Variants in ARMH3 observed in about 807,000 individuals in gnomAD.
ARMH3 encodes the protein armadillo-like helical domain-containing protein 3.
Under a neutral mutation model 99.1 loss-of-function variants are expected in ARMH3, and 60 were observed. That is an observed-to-expected ratio of 0.61 (90% CI 0.49 to 0.75). The LOEUF is 0.75. ARMH3 is among the 30% of genes least tolerant of loss of function. The probability of loss-of-function intolerance (pLI) is 0.00; values close to 1 mark genes in which losing one functional copy is unlikely to be tolerated. For synonymous variants in ARMH3, 285 were observed against 292.8 expected (o/e 0.97, Z 0.27); for missense variants, 679 against 843.1 (o/e 0.81, Z 2.41).
rs1564859014 is a variant in ARMH3 at position 102,023,760 on chromosome 10, T to A, written c.508-11A>T. The A allele has an allele frequency of 6.2e-7, 1 of 1,612,738 alleles. No homozygotes were observed. Among genetic ancestry groups the A allele is most frequent in the Non-Finnish European group, 8.5e-7 (1 of 1,178,752 alleles). On this transcript the variant is annotated splice_polypyrimidine_tract_variant and intron_variant, in intron 6 of 25. Transcript: ENST00000370033. The stretch of plus-strand genomic sequence containing the variant: ...GATGTTATCTGTCACCTGAATGTAA[T>A]AAAAGGCTTTTTAAAGTCTGTTCTG...
intron 5 of ARMH3, 74 bp downstream of exon 5, chr10:102,029,564 T>C (rs768665601): frequency 1.6e-5 from 26 of 1,613,956 alleles, no homozygotes; most frequent in African/African-American, 5.3e-5. Context: ...TTGAGTACAT[T>C]TGTCTGCTGA....
chr10:102,053,229 A>AAG (rs899485788), intron 1 of ARMH3, among the ~76,000 whole-genome samples: 2 of 151,128 alleles, frequency 1.3e-5, no homozygotes, highest in Non-Finnish European at 3.0e-5. Flanking sequence ...AAAAAAAAAA[A>AAG]AAAAAAAAAA....
chr10:101,906,572 G>A (rs762373258), intron 23 of ARMH3, among the ~76,000 whole-genome samples: 2 of 152,144 alleles, frequency 1.3e-5, no homozygotes, highest in Non-Finnish European at 2.9e-5. Context: ...TAGAAGGCAG[G>A]GTTGAAAGAA....
intron 16 of ARMH3, among the ~76,000 whole-genome samples, chr10:101,994,255 C>A (rs1250222848): frequency 6.6e-6 from 1 of 152,144 alleles, no homozygotes. Context: ...TTGTGAAAAA[C>A]AACTCCTTTA....
At chr10:101,852,925 C>G (rs1295977285) in intron 24 of ARMH3, among the ~76,000 whole-genome samples, 1 of 151,472 alleles carries the variant, frequency 6.6e-6, no homozygotes, top group Non-Finnish European at 1.5e-5. Context: ...CTCTTGTCAC[C>G]CAGGCTGAAG....
intron 1 of ARMH3, among the ~76,000 whole-genome samples, chr10:102,041,092 T>A (rs60505495): frequency 0.018 from 2,077 of 116,086 alleles, 37 homozygotes; most frequent in African/African-American, 0.054. Context: ...ATATATATAA[T>A]ATATATATAT....
intron 10 of ARMH3, 140 bp downstream of exon 10, chr10:102,012,693 G>T: frequency 1.4e-6 from 1 of 720,620 alleles, no homozygotes; most frequent in Non-Finnish European, 2.1e-6. Context: ...CAAAGCTAGA[G>T]CAAATACATC....
intron 15 of ARMH3, among the ~76,000 whole-genome samples, chr10:102,000,949 T>C (rs2066348219): frequency 1.1e-4 from 17 of 152,026 alleles, no homozygotes; most frequent in Admixed American, 1.1e-3. Context: ...CTCGAGTAGC[T>C]GGGATTACAG....
intron 24 of ARMH3, among the ~76,000 whole-genome samples, chr10:101,869,057 G>A (rs2067073478): frequency 6.7e-6 from 1 of 149,168 alleles, no homozygotes; most frequent in African/African-American, 2.5e-5. Flanking sequence ...GGGAGACAGA[G>A]TGAGACTCTG....
At chr10:101,871,821 T>C (rs1365813391) in intron 24 of ARMH3, among the ~76,000 whole-genome samples, 3 of 152,042 alleles carry the variant, frequency 2.0e-5, no homozygotes, top group African/African-American at 7.2e-5. Context: ...GTCAACATGG[T>C]GAAACCCTGT....
At chr10:101,944,640 C>T (rs1247377762) in intron 22 of ARMH3, among the ~76,000 whole-genome samples, 2 of 151,988 alleles carry the variant, frequency 1.3e-5, no homozygotes, top group African/African-American at 2.4e-5. Flanking sequence ...ATGGCGAAAC[C>T]CTGTCTCTAC....
chr10:101,847,410 A>T lies in ARMH3; in HGVS notation c.*118T>A. The T allele has an allele frequency of 1.0e-6, 1 of 997,160 alleles. No homozygotes were observed. 61.8% of individuals were successfully genotyped at this position (997,160 alleles called of 1,614,324 possible). A position where few individuals can be genotyped will look rare whatever the true frequency, so the allele number is the denominator to read the frequency against. On this transcript the variant is annotated 3_prime_UTR_variant, in exon 26 of 26. Transcript: ENST00000370033. ...ATTGAAGTGCGGTCTTCACCAAGAG[A>T]ACTTGGTATCTGTGTTTCTCTCCAA...
At chr10:102,030,534 C>A (rs2067103784) in intron 4 of ARMH3, among the ~76,000 whole-genome samples, 2 of 151,958 alleles carry the variant, frequency 1.3e-5, no homozygotes, top group African/African-American at 2.4e-5. Context: ...CATGGTGAAA[C>A]CCAGTCTCTA....
chr10:101,987,902 T>G (rs1056493522), intron 19 of ARMH3, among the ~76,000 whole-genome samples: 2 of 152,222 alleles, frequency 1.3e-5, no homozygotes, highest in South Asian at 2.1e-4. Context: ...CTTAAGGTTT[T>G]TTTTAATTCT....
intron 22 of ARMH3, among the ~76,000 whole-genome samples, chr10:101,944,263 TATATATATATAGAGAG>T (rs1426963774): frequency 1.1e-4 from 7 of 64,138 alleles, no homozygotes; most frequent in Admixed American, 3.9e-4. Flanking sequence ...TATATATATA[TATATATATATAGAGAG>T]AGAGAGAGAG....
intron 24 of ARMH3, among the ~76,000 whole-genome samples, chr10:101,860,071 T>C (rs370238115): frequency 1.3e-5 from 2 of 151,716 alleles, no homozygotes; most frequent in Non-Finnish European, 2.9e-5. Context: ...CAAGAATAGA[T>C]GGAAAAAAAA....
At position 102,045,029 on chromosome 10, in the gene ARMH3, G is replaced by T. The variant is rs967712184; in HGVS notation, c.-11-4904C>A. ...CGGGAGCCTGTAATCCCAGATACTCGGGACGCTGAAACAGGAGGATGTCTT... is the reference window on the plus strand; with the variant it reads ...CGGGAGCCTGTAATCCCAGATACTCTGGACGCTGAAACAGGAGGATGTCTT... On this transcript the variant is annotated intron_variant, in intron 1 of 25. Coordinates refer to ENST00000370033, the MANE Select transcript of ARMH3 (RefSeq NM_024541.3). Among the ~76,000 whole-genome samples, 6 of 151,218 alleles carry T rather than the reference G, an allele frequency of 4.0e-5. No homozygotes were observed. In the East Asian group the frequency reaches 1.2e-3, roughly 29 times the overall value.
chr10:101,909,591 G>A (rs962356486), intron 23 of ARMH3, among the ~76,000 whole-genome samples: 10 of 145,928 alleles, frequency 6.9e-5, no homozygotes, highest in East Asian at 4.4e-4. Context: ...TATCTCAGCC[G>A]CCTGAGTAGC....
At chr10:101,910,036 G>A (rs979434640) in intron 23 of ARMH3, among the ~76,000 whole-genome samples, 4 of 152,090 alleles carry the variant, frequency 2.6e-5, no homozygotes, top group East Asian at 3.9e-4. Flanking sequence ...TTGCAAAAAC[G>A]CTTTCCCTGT....
Sources: gnomAD v4.1 joint callset for allele counts (sites outside exome capture counted in the v4.1 genomes callset) on GRCh38, gnomAD v4.1.1 for gene constraint, MANE v1.5 for transcripts, NCBI Gene and HGNC (gene_info 2026-07-23, HGNC 2026-07-21) for gene names.